The following CACNA2D1 variants were observed in gnomAD, a reference collection of about 807,000 sequenced individuals.
The protein encoded by CACNA2D1 is calcium voltage-gated channel auxiliary subunit alpha2delta 1, also known as voltage-dependent calcium channel subunit alpha-2/delta-1.
CACNA2D1 carries 53 observed loss-of-function variants against 171.5 expected under a neutral mutation model. The ratio of observed to expected loss-of-function variants is 0.31; its 90% CI spans 0.25 to 0.39. The LOEUF is 0.39. Ranked by LOEUF, CACNA2D1 falls within the 10% of genes least tolerant of loss-of-function variation. The pLI, the probability that CACNA2D1 is intolerant of heterozygous loss-of-function variation, is 1.00. For synonymous variants in CACNA2D1, 442 were observed against 443.1 expected, an observed-to-expected ratio of 1.00 and a Z score of 0.03; for missense variants, 903 against 1,299.8, an observed-to-expected ratio of 0.69 and a Z score of 4.69.
At chr7:82,361,584 G>A (rs1821083393) in intron 1 of CACNA2D1, among the ~76,000 whole-genome samples, 1 of 152,028 alleles carries the variant, frequency 6.6e-6, no homozygotes, top group Non-Finnish European at 1.5e-5. Flanking sequence ...TGTATTATAT[G>A]TTGAAAAGCA....
intron 4 of CACNA2D1, among the ~76,000 whole-genome samples, chr7:82,137,869 A>T (rs113310105): frequency 4.7e-5 from 7 of 150,070 alleles, no homozygotes; most frequent in Admixed American, 1.3e-4. Context: ...CAAAAAAAAA[A>T]TTTATTAAAA....
chr7:82,243,747 T>G (rs116624378), intron 3 of CACNA2D1, among the ~76,000 whole-genome samples: 1,730 of 152,328 alleles, frequency 0.011, 30 homozygotes, highest in African/African-American at 0.038. Flanking sequence ...AGAAAACACA[T>G]GTAGTTTTCT....
At chr7:82,152,729 C>T (rs1793987446) in intron 4 of CACNA2D1, among the ~76,000 whole-genome samples, 1 of 151,866 alleles carries the variant, frequency 6.6e-6, no homozygotes, top group South Asian at 2.1e-4. Flanking sequence ...TTGCAAACAG[C>T]CCCAGTCCTT....
chr7:82,355,389 C>T (rs575410067), intron 1 of CACNA2D1, among the ~76,000 whole-genome samples: 5 of 152,280 alleles, frequency 3.3e-5, no homozygotes, highest in African/African-American at 9.6e-5. Context: ...CAAGAACACA[C>T]TTAACACTGC....
intron 1 of CACNA2D1, among the ~76,000 whole-genome samples, chr7:82,370,538 G>A (rs1822268782): frequency 6.6e-6 from 1 of 151,796 alleles, no homozygotes; most frequent in Admixed American, 6.6e-5. Flanking sequence ...GGAAGAGATA[G>A]GTAAATGGAG....
chr7:82,332,565 A>AGAAAGAAAGAAAGAACGAAC (rs1491481168), intron 3 of CACNA2D1, among the ~76,000 whole-genome samples: 17 of 109,352 alleles, frequency 1.6e-4, no homozygotes, highest in South Asian at 3.9e-4. Flanking sequence ...AAAGAAAGAA[A>AGAAAGAAAGAAAGAACGAAC]GAACGAACAG....
chr7:82,170,534 TA>T lies in CACNA2D1; in HGVS notation c.354+15del. On this transcript the variant is annotated intron_variant, in intron 4 of 38. Coordinates refer to ENST00000356860, the MANE Select transcript of CACNA2D1 (RefSeq NM_000722.4). ...TGTCAAGCTATTTAAATCAAGTAGT[TA>T]AAAGGGGTTCTTACTGCAAAATCTT... 6.3e-7 allele frequency: 1 copy of T among 1,599,938 alleles called. No homozygotes were observed. Among genetic ancestry groups the T allele is most frequent in the Non-Finnish European group, 8.6e-7 (1 of 1,167,466 alleles).
At chr7:82,199,623 CA>C (rs1252888108) in intron 3 of CACNA2D1, among the ~76,000 whole-genome samples, 1 of 151,824 alleles carries the variant, frequency 6.6e-6, no homozygotes, top group South Asian at 2.1e-4. Context: ...TTTTTTCAGC[CA>C]AAAAATATCT....
At chr7:82,201,985 T>C (rs1049717421) in intron 3 of CACNA2D1, among the ~76,000 whole-genome samples, 1 of 152,168 alleles carries the variant, frequency 6.6e-6, no homozygotes, top group Non-Finnish European at 1.5e-5. Flanking sequence ...GATACTGTCC[T>C]GTAAGGAAAA....
chr7:81,968,660 C>T (rs918266599), intron 29 of CACNA2D1, among the ~76,000 whole-genome samples: 1 of 151,262 alleles, frequency 6.6e-6, no homozygotes, highest in Non-Finnish European at 1.5e-5. Flanking sequence ...AGAGTATAAA[C>T]ATACACACTG....
At chr7:82,364,261 C>T (rs1256479419) in intron 1 of CACNA2D1, among the ~76,000 whole-genome samples, 1 of 152,110 alleles carries the variant, frequency 6.6e-6, no homozygotes, top group Non-Finnish European at 1.5e-5. Flanking sequence ...AGGGTTCTGG[C>T]TAGGGCACTG....
At chr7:81,999,207 A>G (rs988702298) in intron 18 of CACNA2D1, among the ~76,000 whole-genome samples, 4 of 152,160 alleles carry the variant, frequency 2.6e-5, no homozygotes, top group African/African-American at 9.7e-5. Context: ...AGAAAATGAA[A>G]TCATAAAAGA....
chr7:82,341,872 C>A (rs925709836), intron 2 of CACNA2D1, among the ~76,000 whole-genome samples: 22 of 139,158 alleles, frequency 1.6e-4, no homozygotes, highest in African/African-American at 5.9e-4. Context: ...ACAGTGAAAC[C>A]GCGTCTCTAC....
chr7:82,171,233 T>C (rs188518640), intron 3 of CACNA2D1, among the ~76,000 whole-genome samples: 131 of 152,232 alleles, frequency 8.6e-4, no homozygotes, highest in African/African-American at 2.6e-3. Context: ...TATTTTCCTA[T>C]AGCACTTTCG....
At chr7:82,055,824 T>G in intron 10 of CACNA2D1, among the ~76,000 whole-genome samples, 2 of 142,052 alleles carry the variant, frequency 1.4e-5, no homozygotes, top group African/African-American at 2.6e-5. Context: ...AATGACGAGT[T>G]AATGGGTGCA....
chr7:82,180,313 C>A (rs1306528847), intron 3 of CACNA2D1, among the ~76,000 whole-genome samples: 1 of 152,144 alleles, frequency 6.6e-6, no homozygotes, highest in East Asian at 1.9e-4. Flanking sequence ...GTAACACATA[C>A]CATTGCATAC....
intron 3 of CACNA2D1, among the ~76,000 whole-genome samples, chr7:82,190,842 A>G (rs1476039093): frequency 6.6e-6 from 1 of 151,728 alleles, no homozygotes; most frequent in African/African-American, 2.4e-5. Context: ...TTACTTAAAG[A>G]AAATTTCTCT....
chr7:82,326,833 C>A (rs184430578), intron 3 of CACNA2D1, among the ~76,000 whole-genome samples: 6 of 108,996 alleles, frequency 5.5e-5, no homozygotes, highest in Non-Finnish European at 2.3e-5. Context: ...TAACGTGATT[C>A]CTGGTTTCAA....
At chr7:82,202,039 C>A (rs558109378) in intron 3 of CACNA2D1, among the ~76,000 whole-genome samples, 134 of 152,298 alleles carry the variant, frequency 8.8e-4, no homozygotes, top group Admixed American at 2.5e-3. Context: ...GACATCTGAT[C>A]CAGCAAGACA....
Sources: gnomAD v4.1 joint callset for allele counts (sites outside exome capture counted in the v4.1 genomes callset) on GRCh38, gnomAD v4.1.1 for gene constraint, MANE v1.5 for transcripts, NCBI Gene and HGNC (gene_info 2026-07-23, HGNC 2026-07-21) for gene names.